Variants in STON1 observed in about 807,000 individuals in gnomAD.
The protein encoded by STON1 is stonin-1.
In STON1, 79 loss-of-function variants were observed where a neutral mutation model predicts 60.9. That is an observed-to-expected ratio of 1.30 (90% CI 1.08 to 1.56). The LOEUF (loss-of-function observed/expected upper bound fraction) is 1.56. Ranked by LOEUF, STON1 falls within the 40% of genes most tolerant of loss-of-function variation. The pLI, the probability that STON1 is intolerant of heterozygous loss-of-function variation, is 0.00. For missense variants in STON1, 1,166 were observed against 858.9 expected, an observed-to-expected ratio of 1.36 and a Z score of -4.47; for synonymous variants, 363 against 306.9, an observed-to-expected ratio of 1.18 and a Z score of -1.91.
In STON1 at chr2:48,571,783, C is replaced by A. The variant is rs1056082234; in HGVS notation, c.-47-8804C>A. On this transcript the variant is annotated intron_variant, in intron 1 of 3. Transcript: ENST00000404752. ...TAGTTGTTGACTTTGTGCCAACTGG[C>A]TGGTGGGGGTTTTGAGACCAGAATA... 5.9e-5 allele frequency among the ~76,000 whole-genome samples: 9 copies of A among 152,132 alleles called. No homozygotes were observed. The East Asian group carries it at 9.6e-4, about 16-fold the overall frequency.
At chr2:48,564,505 T>TTCC (rs1672807407) in intron 1 of STON1, among the ~76,000 whole-genome samples, 1 of 25,582 alleles carries the variant, frequency 3.9e-5, no homozygotes, top group Non-Finnish European at 7.2e-5. Context: ...CTTCTTCTTC[T>TTCC]TCTTCTTCTT....
chr2:48,574,967 C>A (rs986643771), intron 1 of STON1, among the ~76,000 whole-genome samples: 2 of 152,230 alleles, frequency 1.3e-5, no homozygotes, highest in African/African-American at 4.8e-5. Context: ...ATCTCTAGAA[C>A]CTTTTCATCT....
intron 2 of STON1, among the ~76,000 whole-genome samples, chr2:48,585,927 T>C (rs1674183423): frequency 6.6e-6 from 1 of 152,246 alleles, no homozygotes; most frequent in African/African-American, 2.4e-5. Flanking sequence ...GTAATTATGC[T>C]TTTGAGAGAG....
chr2:48,551,039 T>TTA (rs1672082396), intron 1 of STON1, among the ~76,000 whole-genome samples: 2 of 148,474 alleles, frequency 1.3e-5, no homozygotes, highest in Non-Finnish European at 3.0e-5. Flanking sequence ...TATTATTATT[T>TTA]TTTCAACTTT....
At chr2:48,562,777 G>C (rs746551700) in intron 1 of STON1, among the ~76,000 whole-genome samples, 3 of 152,194 alleles carry the variant, frequency 2.0e-5, no homozygotes, top group Non-Finnish European at 4.4e-5. Context: ...GCCACCTACA[G>C]GTTCTGTGGG....
At chr2:48,554,607 G>C (rs1160055605) in intron 1 of STON1, among the ~76,000 whole-genome samples, 3 of 152,104 alleles carry the variant, frequency 2.0e-5, no homozygotes, top group Non-Finnish European at 4.4e-5. Context: ...GAGACTTAGA[G>C]ATCTGTAAAT....
At position 48,576,185 on chromosome 2, in the gene STON1, C is replaced by CTTTTTTTTTT. The variant is rs34849002; in HGVS notation, c.-47-4386_-47-4377dup. ...TTGCCAAGATTTGTTGTTTTCCTTT[C>CTTTTTTTTTT]TTTTTTTTTTTTTTTTTTTTTTTTT... On this transcript the variant is annotated intron_variant, in intron 1 of 3. Transcript: ENST00000404752. 3.2e-4 allele frequency among the ~76,000 whole-genome samples: 20 copies of CTTTTTTTTTT among 63,074 alleles called. 1 individual carries two copies. Among genetic ancestry groups the CTTTTTTTTTT allele is most frequent in the African/African-American group, 4.3e-4 (6 of 13,996 alleles). 41.4% of individuals were successfully genotyped at this position (63,074 alleles called of 152,430 possible).
intron 1 of STON1, among the ~76,000 whole-genome samples, chr2:48,546,883 C>G (rs1025050159): frequency 6.6e-6 from 1 of 152,158 alleles, no homozygotes; most frequent in African/African-American, 2.4e-5. Flanking sequence ...AATCAATTCA[C>G]ACACACCTTT....
chr2:48,554,722 TTTTA>T (rs1271323123), intron 1 of STON1, among the ~76,000 whole-genome samples: 4,274 of 99,326 alleles, frequency 0.043, 655 homozygotes, highest in South Asian at 0.087. Flanking sequence ...TTTTTTTTTT[TTTTA>T]TTTATTTATT....
Position 48,571,155 on chromosome 2 carries a change from C to A in STON1, c.-47-9432C>A, listed in dbSNP as rs547381792. Reference sequence around the variant, plus strand: ...ACAGGCATGGGCCACTGTGACTGGCCTTGTCTCTGAATTTTGTGTGGAATT... The same window carrying A: ...ACAGGCATGGGCCACTGTGACTGGCATTGTCTCTGAATTTTGTGTGGAATT... On this transcript the variant is annotated intron_variant, in intron 1 of 3. Transcript: ENST00000404752. 2.6e-5 allele frequency among the ~76,000 whole-genome samples: 4 copies of A among 152,284 alleles called. No homozygotes were observed. In the East Asian group the frequency reaches 7.7e-4, roughly 29 times the overall value.
intron 3 of STON1, among the ~76,000 whole-genome samples, chr2:48,592,462 C>T (rs1276420031): frequency 1.3e-5 from 2 of 151,086 alleles, no homozygotes; most frequent in African/African-American, 4.9e-5. Context: ...GACGGCATCT[C>T]ACTCTGTCAC....
chr2:48,577,722 T>C (rs982619330), intron 1 of STON1, among the ~76,000 whole-genome samples: 23 of 149,324 alleles, frequency 1.5e-4, no homozygotes, highest in Non-Finnish European at 3.0e-4. Flanking sequence ...TTCAAGCGAT[T>C]CTCCTGCCTC....
At position 48,581,136 on chromosome 2, in the gene STON1, A is replaced by G; in HGVS notation, c.503A>G (p.Asp168Gly). 1.9e-6 allele frequency: 3 copies of G among 1,582,104 alleles called. No homozygotes were observed. The highest frequency in any genetic ancestry group is 1.4e-5 in the African/African-American group (1 of 73,574). ...GCTGAAAGCCTAGGATTCCAAAGTG[A>G]TGATCTCCCCCAGTTTCAGTATTTT... ...QQAESLGFQS[D>G]DLPQFQYFRE... Residue 168 changes from aspartate to glycine, a missense_variant, in exon 2 of 4, where the codon GAT becomes GGT. Transcript: ENST00000404752.
chr2:48,582,477 T>G lies in STON1; in HGVS notation c.1844T>G (p.Ile615Ser). Residue 615 changes from isoleucine (I) to serine (S), a missense_variant, in exon 2 of 4, where the codon ATT becomes AGT. Coordinates refer to ENST00000404752, the MANE Select transcript of STON1 (RefSeq NM_006873.4). ...CAGGAACTTGAATCTGAACCTGTCA[T>G]TCAAGTCACTGTGGGGTCAGCAAAA... ...SLQELESEPV[I>S]QVTVGSAKYE... is the part of the protein sequence containing the mutation. 6.2e-7 allele frequency: 1 copy of G among 1,614,156 alleles called. No individual in the cohort carries two copies. The highest frequency in any genetic ancestry group is 1.3e-5 in the African/African-American group (1 of 75,062).
intron 1 of STON1, among the ~76,000 whole-genome samples, chr2:48,544,194 G>T (rs1456782347): frequency 6.8e-6 from 1 of 146,956 alleles, no homozygotes; most frequent in African/African-American, 2.4e-5. Context: ...TTGTGTGTGT[G>T]TGTGTGTCTG....
At position 48,586,877 on chromosome 2, in the gene STON1, G is replaced by T. The variant is rs74594476; in HGVS notation, c.1930+4314G>T. Among the ~76,000 whole-genome samples, 890 of 152,242 alleles carry T rather than the reference G, an allele frequency of 5.8e-3. 9 individuals are homozygous for T. The highest frequency in any genetic ancestry group is 0.021 in the African/African-American group (853 of 41,530). On this transcript the variant is annotated intron_variant, in intron 2 of 3. Coordinates refer to ENST00000404752, the MANE Select transcript of STON1 (RefSeq NM_006873.4). ...GCAGAGAGAGAGAGGCAAGAGATGGGTGAGCGAATTCAGGGGAGGTGCCCC... is the reference window on the plus strand; with the variant it reads ...GCAGAGAGAGAGAGGCAAGAGATGGTTGAGCGAATTCAGGGGAGGTGCCCC...
chr2:48,577,908 G>T (rs1292734097), intron 1 of STON1, among the ~76,000 whole-genome samples: 2 of 150,634 alleles, frequency 1.3e-5, no homozygotes, highest in African/African-American at 2.4e-5. Flanking sequence ...GAGCCACCGA[G>T]CCCGGCCAAA....
chr2:48,578,982 A>G (rs1673713502), intron 1 of STON1, among the ~76,000 whole-genome samples: 1 of 151,276 alleles, frequency 6.6e-6, no homozygotes, highest in Non-Finnish European at 1.5e-5. Context: ...TTGCATGTGG[A>G]TATCAAGTTT....
chr2:48,576,880 C>G (rs1673538747), intron 1 of STON1, among the ~76,000 whole-genome samples: 1 of 151,720 alleles, frequency 6.6e-6, no homozygotes, highest in Non-Finnish European at 1.5e-5. Flanking sequence ...CGGTGAAACC[C>G]TGTCTCTACT....
Sources: gnomAD v4.1 joint callset for allele counts (sites outside exome capture counted in the v4.1 genomes callset) on GRCh38, gnomAD v4.1.1 for gene constraint, MANE v1.5 for transcripts, NCBI Gene and HGNC (gene_info 2026-07-23, HGNC 2026-07-21) for gene names.